Variants in DNAH17 observed in about 807,000 individuals in gnomAD.
The protein encoded by DNAH17 is dynein axonemal heavy chain 17.
Under a neutral mutation model 485.6 loss-of-function variants are expected in DNAH17, and 376 were observed. The ratio of observed to expected loss-of-function variants is 0.77; its 90% CI spans 0.71 to 0.84. The LOEUF (loss-of-function observed/expected upper bound fraction) is 0.84, where lower values mean the gene tolerates loss of function less well. Ranked by LOEUF, DNAH17 falls within the 40% of genes least tolerant of loss-of-function variation. The pLI is 0.00. For synonymous variants in DNAH17, 3,031 were observed against 2,405.9 expected (o/e 1.26, Z -7.60); for missense variants, 6,370 against 5,839.3 (o/e 1.09, Z -2.96).
intron 1 of DNAH17, among the ~76,000 whole-genome samples, chr17:78,577,013 G>A (rs114162674): frequency 6.6e-6 from 1 of 152,204 alleles, no homozygotes; most frequent in African/African-American, 2.4e-5. Context: ...ACAGGAGGAA[G>A]CTGGGGCTAG....
chr17:78,563,720 C>T (rs11652895), intron 11 of DNAH17, among the ~76,000 whole-genome samples: 34,916 of 151,910 alleles, frequency 0.23, 4,176 homozygotes, highest in African/African-American at 0.27. Context: ...TGGCTGTGTG[C>T]GAGTTGCTGA....
chr17:78,450,759 C>T lies in DNAH17; in HGVS notation c.10822G>A (p.Gly3608Arg). 1 of 1,614,038 alleles carries T rather than the reference C, an allele frequency of 6.2e-7. No homozygotes were observed. Among genetic ancestry groups the T allele is most frequent in the Non-Finnish European group, 8.5e-7 (1 of 1,179,904 alleles). ...AAGGCCGTGTCTCCCAGAAAGTTCC[C>T]CGACGCAGCCGACAGACGGGCCAGG... ...SLLARLSAAS[G>R]NFLGDTALVE... is the part of the protein sequence containing the mutation. The change falls in exon 67 of 81, where the codon GGG becomes AGG. Residue 3608 changes from glycine (G) to arginine (R), a missense_variant. Transcript: ENST00000389840.
In DNAH17 at chr17:78,460,220, AG is replaced by A. The variant is rs1176491443; in HGVS notation, c.9376del (p.Leu3126TrpfsTer18). 6.2e-7 allele frequency: 1 copy of A among 1,607,078 alleles called. No individual in the cohort carries two copies. The highest frequency in any genetic ancestry group is 1.7e-5 in the Admixed American group (1 of 59,156). On this transcript the variant is annotated frameshift_variant, in exon 59 of 81. Coordinates refer to ENST00000389840, the MANE Select transcript of DNAH17 (RefSeq NM_173628.4). LOFTEE classifies it high-confidence loss of function. ...TEKQKACETD[L>X]AKAEPALLAA... is the part of the protein sequence containing the mutation. ...CAGCAGGGCCGGTTCTGCTTTGGCC[AG>A]GTCTGTTTCACAGGCCTTTTGCTTC...
chr17:78,559,115 T>C (rs2092095555), intron 13 of DNAH17, among the ~76,000 whole-genome samples: 1 of 152,236 alleles, frequency 6.6e-6, no homozygotes, highest in Non-Finnish European at 1.5e-5. Context: ...TATAGCTGCC[T>C]TGACCAGCCA....
intron 14 of DNAH17, among the ~76,000 whole-genome samples, chr17:78,556,335 A>T (rs1226599118): frequency 6.6e-6 from 1 of 152,202 alleles, no homozygotes; most frequent in Non-Finnish European, 1.5e-5. Flanking sequence ...TAGACGCTGG[A>T]AAAGACAAGG....
chr17:78,562,127 G>T, intron 11 of DNAH17, 147 bp from the exon 12 acceptor site: 2 of 1,002,820 alleles, frequency 2.0e-6, no homozygotes, highest in Non-Finnish European at 2.8e-6. Flanking sequence ...GAACCTTTGT[G>T]TGTGTCAACT....
At chr17:78,466,181 T>C (rs1025097202) in intron 56 of DNAH17, among the ~76,000 whole-genome samples, 4 of 152,236 alleles carry the variant, frequency 2.6e-5, no homozygotes, top group African/African-American at 4.8e-5. Context: ...CAGGGTTGAA[T>C]GGATTAAGGG....
intron 51 of DNAH17, chr17:78,478,735 C>T: frequency 5.4e-6 from 2 of 373,216 alleles, no homozygotes; most frequent in Non-Finnish European, 9.3e-6. Flanking sequence ...TCATCACCAC[C>T]ATCATCACCA....
chr17:78,559,606 T>C (rs982603444), intron 13 of DNAH17, among the ~76,000 whole-genome samples: 17 of 152,184 alleles, frequency 1.1e-4, no homozygotes, highest in Admixed American at 9.2e-4. Flanking sequence ...TCCTGCTCTT[T>C]CCTCCAGCCC....
At position 78,561,792 on chromosome 17, in the gene DNAH17, G is replaced by C. The variant is rs201399166; in HGVS notation, c.1758C>G (p.Ala586=). The part of the protein sequence containing the change: ...PLIHKNMPPV[A]GQLKWSLELQ... ...GCTCCAGGCTCCATTTGAGCTGCCC[G>C]GCCACGGGAGGCATGTTTTTGTGGA... is the stretch of plus-strand genomic sequence containing the variant. Residue 586 remains alanine (A), a synonymous_variant, in exon 12 of 81, where the codon GCC becomes GCG. Transcript: ENST00000389840. The C allele has an allele frequency of 1.4e-5, 23 of 1,613,490 alleles. No individual in the cohort carries two copies. The highest frequency in any genetic ancestry group is 1.9e-5 in the Non-Finnish European group (23 of 1,179,746).
At chr17:78,481,190 C>T (rs1446859842) in intron 48 of DNAH17, among the ~76,000 whole-genome samples, 1 of 151,322 alleles carries the variant, frequency 6.6e-6, no homozygotes, top group Non-Finnish European at 1.5e-5. Context: ...GCAACCTCCG[C>T]CTCCTGGGTT....
rs764067528 is a variant in DNAH17, at chr17:78,494,071, A to G, written c.6373T>C (p.Phe2125Leu). 6 of 1,612,978 alleles carry G rather than the reference A, an allele frequency of 3.7e-6. No homozygotes were observed. The highest frequency in any genetic ancestry group is 4.2e-6 in the Non-Finnish European group (5 of 1,179,794). ...CCGCTGCCCGCATTCCCGACGATGA[A>G]CACGGAGTGGCGGACCTGCAGCAGC... Reference protein sequence around the residue: ...EELLQVRHSVFIVGNAGSGKS... With the variant: ...EELLQVRHSVLIVGNAGSGKS... Residue 2125 changes from phenylalanine to leucine, a missense_variant, in exon 41 of 81, where the codon TTC becomes CTC. Transcript: ENST00000389840.
At chr17:78,434,379 C>T (rs1195668909) in intron 74 of DNAH17, among the ~76,000 whole-genome samples, 159 bp from the exon 75 acceptor site, 4 of 152,122 alleles carry the variant, frequency 2.6e-5, no homozygotes, top group South Asian at 2.1e-4. Context: ...CTATCAGACC[C>T]GCTGCAAGGA....
At chr17:78,500,722 T>G in intron 35 of DNAH17, 1 of 280,412 alleles carries the variant, frequency 3.6e-6, no homozygotes, top group Non-Finnish European at 6.7e-6. Flanking sequence ...TTGGCCAGGC[T>G]GGTCTCGAAC....
At chr17:78,474,358 C>T (rs2088910780) in intron 54 of DNAH17, among the ~76,000 whole-genome samples, 1 of 152,268 alleles carries the variant, frequency 6.6e-6, no homozygotes, top group African/African-American at 2.4e-5. Flanking sequence ...TCCTTCTGAA[C>T]TAATGGCACG....
chr17:78,539,139 A>G (rs985269095), intron 18 of DNAH17, among the ~76,000 whole-genome samples: 5 of 152,142 alleles, frequency 3.3e-5, no homozygotes, highest in African/African-American at 1.2e-4. Context: ...GCTGAGGTAG[A>G]GAACTGCTTG....
chr17:78,566,703 C>A lies in DNAH17; in HGVS notation c.1480G>T (p.Glu494Ter). 1.2e-6 allele frequency: 2 copies of A among 1,607,808 alleles called. No individual in the cohort carries two copies. The highest frequency in any genetic ancestry group is 1.7e-5 in the Admixed American group (1 of 59,096). The change falls in exon 11 of 81, where the codon GAG becomes TAG. Residue 494 changes from glutamate to a stop codon, truncating the protein, a stop_gained. Coordinates refer to ENST00000389840, the MANE Select transcript of DNAH17 (RefSeq NM_173628.4). LOFTEE classifies it high-confidence loss of function. ...CTATCCAGGTCTTGGATTTTGATCT[C>A]AAAATCAGCATAATCACGGTCAAAA... ...SNFDRDYADF[E>*]IKIQDLDRRL...
intron 67 of DNAH17, 95 bp downstream of exon 67, chr17:78,450,587 C>A: frequency 6.7e-7 from 1 of 1,493,730 alleles, no homozygotes; most frequent in African/African-American, 1.4e-5. Flanking sequence ...ACCGAAGCTG[C>A]TTTTCTCCTT....
rs556322910 is a variant in DNAH17, at chr17:78,570,286, G to A, written c.1005C>T (p.Ile335=). Residue 335 remains isoleucine, a synonymous_variant, in exon 7 of 81, where the codon ATC becomes ATT. Transcript: ENST00000389840. The part of the protein sequence containing the change: ...SEYYNTPARI[I]VILQEFCNQI... ...GGTTGCAGAACTCCTGCAGGATGACGATGATCCTGGCAGGTGTGTTATAGT... is the reference window on the plus strand; with the variant it reads ...GGTTGCAGAACTCCTGCAGGATGACAATGATCCTGGCAGGTGTGTTATAGT... 6.9e-5 allele frequency: 110 copies of A among 1,597,704 alleles called. No homozygotes were observed. In the East Asian group the frequency reaches 1.9e-3, roughly 28 times the overall value.
Sources: allele counts gnomAD v4.1 joint callset (sites outside exome capture counted in the v4.1 genomes callset), GRCh38; gene constraint gnomAD v4.1.1; transcripts MANE v1.5; gene names NCBI Gene and HGNC (gene_info 2026-07-23, HGNC 2026-07-21).